The following NR6A1 variants were observed in gnomAD, a reference collection of about 807,000 sequenced individuals.
The protein encoded by NR6A1 is nuclear receptor subfamily 6 group A member 1, also known as retinoic acid receptor-related testis-associated receptor.
A neutral mutation model predicts 59.1 loss-of-function variants in NR6A1; 7 were observed. The ratio of observed to expected loss-of-function variants is 0.12; its 90% CI spans 0.07 to 0.22. The LOEUF (loss-of-function observed/expected upper bound fraction) is 0.22, where lower values mean the gene tolerates loss of function less well. Among genes scored for constraint, NR6A1 ranks in the 10% least tolerant of loss-of-function variants. The pLI, the probability that NR6A1 is intolerant of heterozygous loss-of-function variation, is 1.00. For missense variants in NR6A1, 468 were observed against 611.6 expected (o/e 0.77, Z 2.48); for synonymous variants, 243 against 236.1 (o/e 1.03, Z -0.27).
chr9:124,740,027 T>G (rs1037572559), intron 1 of NR6A1, among the ~76,000 whole-genome samples: 1 of 152,196 alleles, frequency 6.6e-6, no homozygotes, highest in African/African-American at 2.4e-5. Flanking sequence ...AAAACAGAAG[T>G]TGTATGTGTC....
rs558873500 is a variant in NR6A1 at position 124,639,678 on chromosome 9, G to A, written c.143-85108C>T. Among the ~76,000 whole-genome samples, 175 of 152,148 alleles carry A rather than the reference G, an allele frequency of 1.2e-3. 1 individual carries two copies. Among genetic ancestry groups the A allele is most frequent in the African/African-American group, 3.8e-3 (159 of 41,446 alleles). On this transcript the variant is annotated intron_variant, in intron 2 of 9. Coordinates refer to ENST00000487099, the MANE Select transcript of NR6A1 (RefSeq NM_033334.4). ...ACCAACAGAGAGCAACATTCTGAAA[G>A]GCAAGGGAAGAGTCTTTCAAGGAGG... is the stretch of plus-strand genomic sequence containing the variant.
chr9:124,692,984 C>T (rs1365208979), intron 2 of NR6A1, among the ~76,000 whole-genome samples: 1 of 152,194 alleles, frequency 6.6e-6, no homozygotes, highest in Non-Finnish European at 1.5e-5. Context: ...CCAATTGTGA[C>T]AGTTCTTATC....
intron 2 of NR6A1, among the ~76,000 whole-genome samples, chr9:124,561,447 C>T (rs1452131299): frequency 6.6e-6 from 1 of 151,866 alleles, no homozygotes; most frequent in Non-Finnish European, 1.5e-5. Flanking sequence ...TTTCTAAAAA[C>T]AAAACAAACA....
chr9:124,630,049 A>G (rs1836378520), intron 2 of NR6A1, among the ~76,000 whole-genome samples: 1 of 152,218 alleles, frequency 6.6e-6, no homozygotes, highest in African/African-American at 2.4e-5. Flanking sequence ...CAAGAGAGAA[A>G]GTAATAAAAC....
chr9:124,651,602 A>C (rs1315690059), intron 2 of NR6A1, among the ~76,000 whole-genome samples: 1 of 152,196 alleles, frequency 6.6e-6, no homozygotes, highest in African/African-American at 2.4e-5. Context: ...CTTTTTGCCC[A>C]ATCTACTTTG....
At chr9:124,562,273 TAA>T (rs753173957) in intron 2 of NR6A1, among the ~76,000 whole-genome samples, 1 of 152,226 alleles carries the variant, frequency 6.6e-6, no homozygotes, top group Non-Finnish European at 1.5e-5. Context: ...CCTTTGTATG[TAA>T]AAGTCATGAT....
chr9:124,691,985 C>T (rs116294401), intron 2 of NR6A1, among the ~76,000 whole-genome samples: 159 of 152,298 alleles, frequency 1.0e-3, no homozygotes, highest in African/African-American at 3.4e-3. Flanking sequence ...TGAGTGAGCA[C>T]TGGAAACATG....
chr9:124,630,395 A>ATT (rs879564584), intron 2 of NR6A1, among the ~76,000 whole-genome samples: 2 of 142,094 alleles, frequency 1.4e-5, no homozygotes, highest in Non-Finnish European at 3.1e-5. Flanking sequence ...CGCCTGGCTA[A>ATT]TTTTTTTTTT....
chr9:124,770,397 G>C (rs1056993866), intron 1 of NR6A1: 6 of 152,262 alleles, frequency 3.9e-5, no homozygotes, highest in Non-Finnish European at 8.8e-5. Context: ...GCAGAGGTGG[G>C]GGGCTCGTAG....
intron 2 of NR6A1, among the ~76,000 whole-genome samples, chr9:124,722,532 AT>A (rs1206567772): frequency 1.3e-5 from 2 of 152,182 alleles, no homozygotes; most frequent in African/African-American, 4.8e-5. Flanking sequence ...CCACAAAAAA[AT>A]ATCTTTGGGA....
At chr9:124,634,200 G>C (rs935455563) in intron 2 of NR6A1, among the ~76,000 whole-genome samples, 2 of 152,112 alleles carry the variant, frequency 1.3e-5, no homozygotes, top group African/African-American at 4.8e-5. Flanking sequence ...GGAAAAGCTG[G>C]CCTATAGAAA....
At chr9:124,595,806 A>T in intron 2 of NR6A1, 1 of 1,289,818 alleles carries the variant, frequency 7.8e-7, no homozygotes, top group Non-Finnish European at 1.0e-6. Context: ...TATTGCAGCC[A>T]TGAAGAAACA....
chr9:124,604,398 C>G (rs1303631001), intron 2 of NR6A1, among the ~76,000 whole-genome samples: 2 of 152,220 alleles, frequency 1.3e-5, no homozygotes, highest in Non-Finnish European at 2.9e-5. Flanking sequence ...TCCTCTTTGA[C>G]TATACCCACA....
At chr9:124,675,996 C>T (rs1564231369) in intron 2 of NR6A1, among the ~76,000 whole-genome samples, 1 of 152,150 alleles carries the variant, frequency 6.6e-6, no homozygotes, top group Admixed American at 6.6e-5. Context: ...GCACATGGAA[C>T]TGCCTGAATA....
In NR6A1 at chr9:124,681,991, T is replaced by C. The variant is rs532000600; in HGVS notation, c.142+51317A>G. Among the ~76,000 whole-genome samples the C allele has an allele frequency of 5.9e-4, 90 of 152,094 alleles. 1 individual carries two copies. In the South Asian group the frequency reaches 0.018, roughly 31 times the overall value. ...ACCTTTGTTTTTTTGTTTTGTTTTGTTTTGTTTTTTGTTTTGTTTTGAGAG... is the reference window on the plus strand; with the variant it reads ...ACCTTTGTTTTTTTGTTTTGTTTTGCTTTGTTTTTTGTTTTGTTTTGAGAG... On this transcript the variant is annotated intron_variant, in intron 2 of 9. Coordinates refer to ENST00000487099, the MANE Select transcript of NR6A1 (RefSeq NM_033334.4).
At chr9:124,557,888 A>G (rs1190240487) in intron 2 of NR6A1, among the ~76,000 whole-genome samples, 1 of 152,216 alleles carries the variant, frequency 6.6e-6, no homozygotes, top group Admixed American at 6.6e-5. Flanking sequence ...TATAATGAAT[A>G]TATCCACAAG....
intron 2 of NR6A1, among the ~76,000 whole-genome samples, chr9:124,606,375 G>A (rs185239953): frequency 5.9e-5 from 9 of 152,102 alleles, no homozygotes; most frequent in African/African-American, 1.9e-4. Flanking sequence ...CAAGGGACCA[G>A]GGTTTGATTC....
rs375958277 is a variant in NR6A1 at position 124,620,791 on chromosome 9, G to A, written c.143-66221C>T. Among the ~76,000 whole-genome samples, 19 of 149,978 alleles carry A rather than the reference G, an allele frequency of 1.3e-4. 1 individual carries two copies. In the South Asian group the frequency reaches 4.0e-3, roughly 31 times the overall value. On this transcript the variant is annotated intron_variant, in intron 2 of 9. Transcript: ENST00000487099. Reference sequence around the variant, plus strand: ...CTGTACAGAGTAAATTATGATATGTGAAACATGTCTCATTGTTTAAAAAAA... The same window carrying A: ...CTGTACAGAGTAAATTATGATATGTAAAACATGTCTCATTGTTTAAAAAAA...
At chr9:124,765,483 T>C (rs930567797) in intron 1 of NR6A1, among the ~76,000 whole-genome samples, 3 of 152,220 alleles carry the variant, frequency 2.0e-5, no homozygotes, top group Non-Finnish European at 4.4e-5. Context: ...TCCTATAATT[T>C]TTTTAAGAAC....
Sources: allele counts gnomAD v4.1 joint callset (sites outside exome capture counted in the v4.1 genomes callset), GRCh38; gene constraint gnomAD v4.1.1; transcripts MANE v1.5; gene names NCBI Gene and HGNC (gene_info 2026-07-23, HGNC 2026-07-21).